Variants in NRG3 observed in about 807,000 individuals in gnomAD.
NRG3 encodes the protein pro-neuregulin-3, membrane-bound isoform.
In NRG3, 31 loss-of-function variants were observed where a neutral mutation model predicts 66.9. The observed-to-expected ratio is 0.46, with a 90% CI of 0.35 to 0.63. The LOEUF (loss-of-function observed/expected upper bound fraction) is 0.63, where lower values mean the gene tolerates loss of function less well. Among genes scored for constraint, NRG3 ranks in the 20% least tolerant of loss-of-function variants. NRG3 has a pLI of 0.00. For missense variants in NRG3, 910 were observed against 878.9 expected (o/e 1.04, Z -0.45); for synonymous variants, 393 against 359.4 (o/e 1.09, Z -1.06).
At chr10:82,542,491 G>A (rs2043611991) in intron 2 of NRG3, among the ~76,000 whole-genome samples, 1 of 152,074 alleles carries the variant, frequency 6.6e-6, no homozygotes, top group African/African-American at 2.4e-5. Context: ...AAATGGTAAG[G>A]AATCACATAT....
At chr10:82,918,365 A>G (rs544824087) in intron 4 of NRG3, among the ~76,000 whole-genome samples, 25 of 152,266 alleles carry the variant, frequency 1.6e-4, no homozygotes, top group Non-Finnish European at 2.8e-4. Flanking sequence ...AGGTATTTTC[A>G]TCTTTCTCAG....
intron 1 of NRG3, among the ~76,000 whole-genome samples, chr10:81,898,164 T>C (rs185928174): frequency 1.2e-4 from 19 of 152,202 alleles, no homozygotes; most frequent in African/African-American, 4.3e-4. Context: ...TGGAAGTACC[T>C]CAGTGCAACC....
intron 2 of NRG3, among the ~76,000 whole-genome samples, chr10:82,562,643 C>T (rs2045126254): frequency 6.6e-6 from 1 of 152,148 alleles, no homozygotes; most frequent in South Asian, 2.1e-4. Context: ...TGAGAAATAA[C>T]CAACTCATGG....
In NRG3 at chr10:82,985,376, T is replaced by C. The variant is rs1853352895; in HGVS notation, c.1862T>C (p.Ile621Thr). 4 of 1,614,134 alleles carry C rather than the reference T, an allele frequency of 2.5e-6. No homozygotes were observed. Among genetic ancestry groups the C allele is most frequent in the East Asian group, 2.2e-5 (1 of 44,876 alleles). The change falls in exon 9 of 9, where the codon ATA (isoleucine) becomes ACA (threonine). Residue 621 changes from isoleucine (I) to threonine (T), a missense_variant. Ile to Thr is a moderately conservative substitution (Grantham distance 89, BLOSUM62 -1). Transcript: ENST00000372141. ...NVSIPVSDCL[I>T]AEQQEVKILL... ...AGTATTCCAGTCAGCGATTGTCTTA[T>C]AGCAGAACAACAAGAAGTGAAAATA...
intron 1 of NRG3, among the ~76,000 whole-genome samples, chr10:82,260,100 G>A (rs1410521342): frequency 2.0e-5 from 3 of 152,316 alleles, no homozygotes; most frequent in African/African-American, 7.2e-5. Flanking sequence ...TGCCTAGACA[G>A]GGTTGGTTCA....
At chr10:82,553,489 T>C (rs927585505) in intron 2 of NRG3, among the ~76,000 whole-genome samples, 4 of 152,142 alleles carry the variant, frequency 2.6e-5, no homozygotes, top group African/African-American at 4.8e-5. Context: ...CTTTTATAAA[T>C]AGAAGGGTTT....
At chr10:82,289,193 G>A (rs951205) in intron 1 of NRG3, among the ~76,000 whole-genome samples, 64,816 of 149,468 alleles carry the variant, frequency 0.43, 16,649 homozygotes, top group African/African-American at 0.71. Flanking sequence ...CTTTGACTTC[G>A]CTTTCTGATT....
At chr10:82,688,408 A>T (rs1160667069) in intron 2 of NRG3, among the ~76,000 whole-genome samples, 1 of 152,164 alleles carries the variant, frequency 6.6e-6, no homozygotes, top group Non-Finnish European at 1.5e-5. Flanking sequence ...GTTCTTTCCT[A>T]AAAAATCCCA....
intron 1 of NRG3, among the ~76,000 whole-genome samples, chr10:82,221,003 G>A (rs1240279217): frequency 2.0e-5 from 3 of 152,084 alleles, no homozygotes; most frequent in African/African-American, 2.4e-5. Context: ...TAAAACAACA[G>A]TTGTTCAGGA....
chr10:81,937,394 C>T (rs142414184), intron 1 of NRG3, among the ~76,000 whole-genome samples: 1 of 152,196 alleles, frequency 6.6e-6, no homozygotes, highest in East Asian at 1.9e-4. Context: ...CACAACAGTG[C>T]ACAAGGGTTC....
intron 1 of NRG3, among the ~76,000 whole-genome samples, chr10:82,082,717 G>T (rs1055359557): frequency 6.6e-6 from 1 of 152,168 alleles, no homozygotes; most frequent in Non-Finnish European, 1.5e-5. Flanking sequence ...TTGCTCTTCT[G>T]CAGTTGAAAG....
At position 82,290,920 on chromosome 10, in the gene NRG3, G is replaced by A. The variant is rs369691611; in HGVS notation, c.824-67819G>A. Among the ~76,000 whole-genome samples, 46 of 151,938 alleles carry A rather than the reference G, an allele frequency of 3.0e-4. 1 individual carries two copies. In the East Asian group the frequency reaches 8.2e-3, roughly 27 times the overall value. On this transcript the variant is annotated intron_variant, in intron 1 of 8. Transcript: ENST00000372141. Reference sequence around the variant, plus strand: ...GGCCTACCAAAGTGCTGGGATTACAGGCGTGAGCCACCGCACCCAGCTGAC... The same window carrying A: ...GGCCTACCAAAGTGCTGGGATTACAAGCGTGAGCCACCGCACCCAGCTGAC...
At chr10:81,892,823 TG>T (rs886671638) in intron 1 of NRG3, among the ~76,000 whole-genome samples, 4 of 152,130 alleles carry the variant, frequency 2.6e-5, no homozygotes, top group African/African-American at 9.7e-5. Flanking sequence ...AGAATATAAT[TG>T]GGTTGTTGGT....
intron 1 of NRG3, among the ~76,000 whole-genome samples, chr10:81,933,883 A>G (rs1227796665): frequency 6.6e-6 from 1 of 152,220 alleles, no homozygotes; most frequent in Non-Finnish European, 1.5e-5. Context: ...TTATTCTACA[A>G]TAATGGCATG....
At chr10:82,920,486 A>G (rs918672567) in intron 4 of NRG3, among the ~76,000 whole-genome samples, 1 of 152,148 alleles carries the variant, frequency 6.6e-6, no homozygotes, top group Non-Finnish European at 1.5e-5. Context: ...GCATATATAC[A>G]TGGAATAGCA....
intron 1 of NRG3, among the ~76,000 whole-genome samples, chr10:82,087,401 T>C (rs1365706832): frequency 6.6e-6 from 1 of 152,074 alleles, no homozygotes; most frequent in East Asian, 1.9e-4. Flanking sequence ...TTCTCTAATC[T>C]CTGAACTAAC....
intron 3 of NRG3, among the ~76,000 whole-genome samples, chr10:82,842,747 T>G (rs2063122043): frequency 6.6e-6 from 1 of 152,146 alleles, no homozygotes; most frequent in South Asian, 2.1e-4. Flanking sequence ...AGATACAGCA[T>G]CTCAATCTGT....
At chr10:82,199,999 C>T (rs11192961) in intron 1 of NRG3, among the ~76,000 whole-genome samples, 1,573 of 151,664 alleles carry the variant, frequency 0.01, 24 homozygotes, top group African/African-American at 0.036. Context: ...ATTCCTTCAG[C>T]CTCAGTATCC....
chr10:81,890,543 C>G (rs1842932296), intron 1 of NRG3, among the ~76,000 whole-genome samples: 1 of 152,150 alleles, frequency 6.6e-6, no homozygotes, highest in Non-Finnish European at 1.5e-5. Context: ...TTGCTCATAT[C>G]CACGTATACA....
Sources: gnomAD v4.1 joint callset for allele counts (sites outside exome capture counted in the v4.1 genomes callset) on GRCh38, gnomAD v4.1.1 for gene constraint, MANE v1.5 for transcripts, NCBI Gene and HGNC (gene_info 2026-07-23, HGNC 2026-07-21) for gene names.